ZBED6: variants seen among roughly 807,000 people sequenced by gnomAD.
The protein encoded by ZBED6 is zinc finger BED domain-containing protein 6.
ZBED6 carries 40 observed loss-of-function variants against 58.4 expected under a neutral mutation model. That is an observed-to-expected ratio of 0.68 (90% CI 0.53 to 0.89). The LOEUF (loss-of-function observed/expected upper bound fraction) is 0.89, where lower values mean the gene tolerates loss of function less well. Among genes scored for constraint, ZBED6 ranks in the 40% least tolerant of loss-of-function variants. ZBED6 has a pLI of 0.00. For synonymous variants in ZBED6, 439 were observed against 350.6 expected, an observed-to-expected ratio of 1.25 and a Z score of -2.82; for missense variants, 1,057 against 1,003.9, an observed-to-expected ratio of 1.05 and a Z score of -0.71.
At chr1:203,804,712 G>T (rs374498175) in intron 1 of ZBED6, among the ~76,000 whole-genome samples, 3 of 134,774 alleles carry the variant, frequency 2.2e-5, no homozygotes, top group Admixed American at 8.0e-5. Flanking sequence ...TGCTCTCGTT[G>T]CCTAGGCTGG....
intron 3 of ZBED6, among the ~76,000 whole-genome samples, chr1:203,823,596 TGCTAGCCAAGAGCAAG>T (rs1031474182): frequency 6.6e-6 from 1 of 152,250 alleles, no homozygotes; most frequent in African/African-American, 2.4e-5. Flanking sequence ...AGGTCCCAGA[TGCTAGCCAAGAGCAAG>T]CCTTGCAAGC....
exon 1 of ZBED6, chr1:203,801,792 CA>C (rs1363419330): frequency 6.8e-6 from 1 of 146,116 alleles, no homozygotes; most frequent in African/African-American, 2.5e-5. Flanking sequence ...TTCTATGTAT[CA>C]AAATCGGGTT....
chr1:203,838,940 G>T, intron 10 of ZBED6, among the ~76,000 whole-genome samples: 1 of 127,820 alleles, frequency 7.8e-6, no homozygotes. Flanking sequence ...GGGTGACCGA[G>T]TGAGACTTCA....
intron 1 of ZBED6, among the ~76,000 whole-genome samples, chr1:203,816,268 C>A (rs1362029633): frequency 1.3e-5 from 2 of 152,086 alleles, no homozygotes; most frequent in East Asian, 3.8e-4. Context: ...TGTATGTAGT[C>A]TTTTGAGACT....
exon 1 of ZBED6, chr1:203,802,893 G>A (rs1156575400): frequency 6.6e-6 from 1 of 152,392 alleles, no homozygotes; most frequent in Non-Finnish European, 1.5e-5. Flanking sequence ...GGCAATGTGA[G>A]GAGGAAATTT....
chr1:203,818,441 T>C, intron 2 of ZBED6, 129 bp from the exon 3 acceptor site: 1 of 1,243,284 alleles, frequency 8.0e-7, no homozygotes, highest in East Asian at 2.5e-5. Context: ...TCCATGTCCA[T>C]TGTTTTTTAC....
intron 3 of ZBED6, among the ~76,000 whole-genome samples, chr1:203,824,973 A>G (rs181823649): frequency 2.0e-5 from 3 of 147,134 alleles, no homozygotes; most frequent in Non-Finnish European, 4.5e-5. Context: ...GCTACTCGGG[A>G]GGCTGAGGCA....
rs1668971486 is a variant in ZBED6 at position 203,797,565 on chromosome 1, C to T, written c.43C>T (p.Pro15Ser). Residue 15 changes from proline (P) to serine (S), a missense_variant, in exon 1 of 17, where the codon CCT becomes TCT. Pro to Ser is a moderately conservative substitution (Grantham distance 74). Coordinates refer to ENST00000550078, the Ensembl canonical transcript of ZBED6. ...AAGTGTACCAGTTTCTTCACTCTCT[C>T]CTGGCAGAAGATGCAACACTTTTAG... is the stretch of plus-strand genomic sequence containing the variant. 6.5e-7 allele frequency: 1 copy of T among 1,531,194 alleles called. No individual in the cohort carries two copies. Among genetic ancestry groups the T allele is most frequent in the Non-Finnish European group, 8.7e-7 (1 of 1,145,482 alleles). 94.9% of individuals were successfully genotyped at this position (1,531,194 alleles called of 1,614,324 possible).
chr1:203,802,714 C>CTTTTTTTTTTGTTTTTTTTTTT (rs150416242), exon 1 of ZBED6: 1 of 131,658 alleles, frequency 7.6e-6, no homozygotes, highest in Non-Finnish European at 1.6e-5. Context: ...TAAATGAACT[C>CTTTTTTTTTTGTTTTTTTTTTT]TTTTTTTTTG....
chr1:203,834,198 C>A, intron 9 of ZBED6: 1 of 493,918 alleles, frequency 2.0e-6, no homozygotes, highest in Non-Finnish European at 2.7e-6. Context: ...TCTTAGAATA[C>A]AGGAATCCCT....
At chr1:203,806,397 G>A (rs1284599936) in intron 1 of ZBED6, 1 of 181,892 alleles carries the variant, frequency 5.5e-6, no homozygotes, top group Non-Finnish European at 1.1e-5. Context: ...TGCCTTCCGG[G>A]TTCAAGCGAT....
At chr1:203,842,219 A>G (rs1170967314) in intron 11 of ZBED6, among the ~76,000 whole-genome samples, 2 of 152,122 alleles carry the variant, frequency 1.3e-5, no homozygotes, top group African/African-American at 4.8e-5. Flanking sequence ...AGAGGCTGCA[A>G]TCTCAGCACT....
In ZBED6 at chr1:203,798,042, C is replaced by T. The variant is rs1448905882; in HGVS notation, c.520C>T (p.Arg174Ter). The T allele has an allele frequency of 3.3e-6, 5 of 1,534,776 alleles. No homozygotes were observed. Among genetic ancestry groups the T allele is most frequent in the Admixed American group, 2.0e-5 (1 of 51,008 alleles). ...CCATCTTGGTACATCTACTCTTCAA[C>T]GACATCTGCAAGCAAGGCATTCACC... Residue 174 changes from arginine (R) to a stop codon, truncating the protein, a stop_gained, in exon 1 of 17, where the codon CGA (arginine) becomes TGA (stop). Coordinates refer to ENST00000550078, the Ensembl canonical transcript of ZBED6. LOFTEE classifies it high-confidence loss of function.
chr1:203,817,233 C>A, intron 2 of ZBED6, 109 bp downstream of exon 2: 1 of 827,772 alleles, frequency 1.2e-6, no homozygotes, highest in Non-Finnish European at 1.8e-6. Context: ...ATTTTTTGCC[C>A]AACTTTATTA....
At chr1:203,834,051 A>T (rs1572214884) in intron 9 of ZBED6, 198 bp downstream of exon 9, 2 of 1,250,438 alleles carry the variant, frequency 1.6e-6, no homozygotes, top group East Asian at 6.5e-5. Context: ...TTACAATTGA[A>T]CTAGATTATG....
chr1:203,810,445 A>C (rs1256522582), intron 1 of ZBED6, among the ~76,000 whole-genome samples: 1 of 141,918 alleles, frequency 7.0e-6, no homozygotes, highest in Non-Finnish European at 1.5e-5. Context: ...TTTGAGACAG[A>C]GTCTCACTCT....
intron 11 of ZBED6, among the ~76,000 whole-genome samples, chr1:203,845,918 G>A (rs1243499474): frequency 1.3e-5 from 2 of 151,896 alleles, no homozygotes; most frequent in Non-Finnish European, 2.9e-5. Context: ...GAACAGCACG[G>A]AATACTCCAA....
Position 203,798,734 on chromosome 1 carries a change from TC to T in ZBED6, c.1214del (p.Pro405GlnfsTer6). ...AGAGAGAAACAACATGTTGTGGAAA[TC>T]CAGTCTCAAGTCACATAAGTCAGGC... On this transcript the variant is annotated frameshift_variant, in exon 1 of 17. Coordinates refer to ENST00000550078, the Ensembl canonical transcript of ZBED6. LOFTEE classifies it high-confidence loss of function. 6.5e-7 allele frequency: 1 copy of T among 1,536,110 alleles called. No homozygotes were observed. Among genetic ancestry groups the T allele is most frequent in the Non-Finnish European group, 8.7e-7 (1 of 1,146,894 alleles).
intron 3 of ZBED6, among the ~76,000 whole-genome samples, chr1:203,822,486 T>C (rs981040521): frequency 6.6e-6 from 1 of 152,122 alleles, no homozygotes; most frequent in Non-Finnish European, 1.5e-5. Context: ...TGTGATACTT[T>C]GTGCTGAGCG....
Sources: gnomAD v4.1 joint callset for allele counts (sites outside exome capture counted in the v4.1 genomes callset) on GRCh38, gnomAD v4.1.1 for gene constraint, MANE v1.5 for transcripts, NCBI Gene and HGNC (gene_info 2026-07-23, HGNC 2026-07-21) for gene names.